The following SPHKAP variants were observed in gnomAD, a reference collection of about 807,000 sequenced individuals.
The protein encoded by SPHKAP is SPHK1 interactor, AKAP domain containing.
In SPHKAP, 67 loss-of-function variants were observed where a neutral mutation model predicts 137.5. That is an observed-to-expected ratio of 0.49 (90% CI 0.40 to 0.60). The LOEUF (loss-of-function observed/expected upper bound fraction) is 0.60. Ranked by LOEUF, SPHKAP falls within the 20% of genes least tolerant of loss-of-function variation. The pLI, the probability that SPHKAP is intolerant of heterozygous loss-of-function variation, is 0.00. For synonymous variants in SPHKAP, 813 were observed against 785.3 expected (o/e 1.04, Z -0.59); for missense variants, 2,097 against 2,069.3 (o/e 1.01, Z -0.26).
At chr2:228,067,269 C>A (rs544830006) in intron 3 of SPHKAP, among the ~76,000 whole-genome samples, 1 of 152,222 alleles carries the variant, frequency 6.6e-6, no homozygotes, top group Non-Finnish European at 1.5e-5. Context: ...CTGATAACTG[C>A]TAAAAACACT....
chr2:228,105,418 CTTTTA>C (rs986430144), intron 3 of SPHKAP, among the ~76,000 whole-genome samples: 3 of 152,130 alleles, frequency 2.0e-5, no homozygotes, highest in African/African-American at 7.2e-5. Flanking sequence ...CATTTCCTTT[CTTTTA>C]AATAATGAGG....
intron 2 of SPHKAP, among the ~76,000 whole-genome samples, chr2:228,115,564 A>C (rs943354852): frequency 1.3e-5 from 2 of 152,124 alleles, no homozygotes; most frequent in African/African-American, 4.8e-5. Flanking sequence ...AGTTCTTTCA[A>C]TTACTTAAAA....
chr2:228,027,540 A>C lies in SPHKAP; in HGVS notation c.250T>G (p.Cys84Gly). 6.2e-7 allele frequency: 1 copy of C among 1,613,978 alleles called. No individual in the cohort carries two copies. Among genetic ancestry groups the C allele is most frequent in the East Asian group, 2.2e-5 (1 of 44,876 alleles). Residue 84 changes from cysteine (C) to glycine (G), a missense_variant, in exon 4 of 12, where the codon TGC becomes GGC. Coordinates refer to ENST00000392056, the MANE Select transcript of SPHKAP (RefSeq NM_001142644.2). ...EDKSENCASV[C>G]FVNLDVNKDE... ...TTGTTCACATCAAGATTCACAAAGCAGACCTGGGAAAAGAGGGCAAAAATA... is the reference window on the plus strand; with the variant it reads ...TTGTTCACATCAAGATTCACAAAGCCGACCTGGGAAAAGAGGGCAAAAATA...
intron 1 of SPHKAP, among the ~76,000 whole-genome samples, chr2:228,159,893 G>T (rs1559207154): frequency 6.6e-6 from 1 of 152,166 alleles, no homozygotes; most frequent in African/African-American, 2.4e-5. Context: ...TCTCCTTCCA[G>T]ACCAATCTGT....
intron 3 of SPHKAP, among the ~76,000 whole-genome samples, chr2:228,045,598 C>A (rs1354977093): frequency 6.6e-6 from 1 of 151,602 alleles, no homozygotes; most frequent in African/African-American, 2.4e-5. Flanking sequence ...GGGACTGTTG[C>A]GGGATTGGGG....
At chr2:228,173,476 G>A (rs1266393339) in intron 1 of SPHKAP, among the ~76,000 whole-genome samples, 1 of 152,028 alleles carries the variant, frequency 6.6e-6, no homozygotes, top group Non-Finnish European at 1.5e-5. Context: ...GTAATCACAA[G>A]GTTTATTAAA....
chr2:228,104,783 C>T (rs548447624), intron 3 of SPHKAP, among the ~76,000 whole-genome samples: 6 of 152,104 alleles, frequency 3.9e-5, no homozygotes, highest in African/African-American at 1.2e-4. Context: ...AGCTGGTAGT[C>T]TTCAAATAAC....
intron 3 of SPHKAP, among the ~76,000 whole-genome samples, chr2:228,031,995 G>A (rs12694765): frequency 0.38 from 58,028 of 152,022 alleles, 11,517 homozygotes; most frequent in South Asian, 0.51. Flanking sequence ...CCAAAGGAAC[G>A]CAGCTCCTCA....
At chr2:228,135,852 C>A (rs1699424458) in intron 1 of SPHKAP, among the ~76,000 whole-genome samples, 1 of 151,836 alleles carries the variant, frequency 6.6e-6, no homozygotes, top group South Asian at 2.1e-4. Flanking sequence ...ATATTTAAAG[C>A]AAATGCATCT....
intron 1 of SPHKAP, chr2:228,132,624 G>T: frequency 3.5e-6 from 1 of 289,596 alleles, no homozygotes; most frequent in Non-Finnish European, 5.2e-6. Flanking sequence ...CAAAATTATA[G>T]ACTTATATCC....
At chr2:228,125,673 C>T (rs1344860159) in intron 2 of SPHKAP, among the ~76,000 whole-genome samples, 2 of 152,154 alleles carry the variant, frequency 1.3e-5, no homozygotes, top group East Asian at 1.9e-4. Flanking sequence ...GAAGAATTTT[C>T]ACCTAGTTTT....
intron 3 of SPHKAP, among the ~76,000 whole-genome samples, chr2:228,046,060 C>T (rs1028389127): frequency 6.6e-6 from 1 of 152,162 alleles, no homozygotes; most frequent in Non-Finnish European, 1.5e-5. Flanking sequence ...CAGATTTTAA[C>T]TGCCTTCATC....
chr2:228,170,214 T>C (rs1182866704), intron 1 of SPHKAP, among the ~76,000 whole-genome samples: 1 of 152,150 alleles, frequency 6.6e-6, no homozygotes, highest in Non-Finnish European at 1.5e-5. Context: ...CAAATAAATT[T>C]TTTTGTTTGT....
chr2:228,020,481 C>T (rs1694798113), intron 6 of SPHKAP, among the ~76,000 whole-genome samples: 1 of 152,164 alleles, frequency 6.6e-6, no homozygotes, highest in South Asian at 2.1e-4. Flanking sequence ...GAAAACCAAA[C>T]ACCGCATGTT....
intron 11 of SPHKAP, 64 bp from the exon 12 acceptor site, chr2:227,981,924 A>T: frequency 6.5e-7 from 1 of 1,541,702 alleles, no homozygotes; most frequent in South Asian, 1.3e-5. Flanking sequence ...ACCTCATTCA[A>T]CCACCCTCGC....
At chr2:228,174,709 A>G (rs1347139712) in intron 1 of SPHKAP, among the ~76,000 whole-genome samples, 2 of 152,212 alleles carry the variant, frequency 1.3e-5, no homozygotes, top group African/African-American at 4.8e-5. Context: ...CAAGGGATGA[A>G]GCAACCAACA....
chr2:228,054,065 A>G (rs1696353946), intron 3 of SPHKAP, among the ~76,000 whole-genome samples: 1 of 152,182 alleles, frequency 6.6e-6, no homozygotes, highest in Non-Finnish European at 1.5e-5. Flanking sequence ...ATTGCATTGA[A>G]ATGATTGTCT....
chr2:228,003,631 G>C (rs143720780), intron 7 of SPHKAP, among the ~76,000 whole-genome samples: 79,966 of 151,930 alleles, frequency 0.53, 21,381 homozygotes, highest in South Asian at 0.67. Context: ...GGGCATCCCT[G>C]TCTTGTGCCA....
At chr2:228,172,353 G>C (rs113284610) in intron 1 of SPHKAP, among the ~76,000 whole-genome samples, 23 of 152,238 alleles carry the variant, frequency 1.5e-4, no homozygotes, top group African/African-American at 5.5e-4. Flanking sequence ...ACAGGCCATG[G>C]TATTTATTGT....
Sources: gnomAD v4.1 joint callset for allele counts (sites outside exome capture counted in the v4.1 genomes callset) on GRCh38, gnomAD v4.1.1 for gene constraint, MANE v1.5 for transcripts, NCBI Gene and HGNC (gene_info 2026-07-23, HGNC 2026-07-21) for gene names.